The following LYPD5 variants were observed in gnomAD, a reference collection of about 807,000 sequenced individuals.
LYPD5 encodes the protein LY6/PLAUR domain containing 5.
A neutral mutation model predicts 19.1 loss-of-function variants in LYPD5; 21 were observed. That is an observed-to-expected ratio of 1.10 (90% CI 0.78 to 1.58). LYPD5 has a LOEUF of 1.58. Among genes scored for constraint, LYPD5 ranks in the 40% most tolerant of loss-of-function variants. LYPD5 has a pLI of 0.00. For missense variants in LYPD5, 287 were observed against 329.8 expected (o/e 0.87, Z 1.00); for synonymous variants, 128 against 142.7 (o/e 0.90, Z 0.74).
Position 43,797,361 on chromosome 19 carries a change from G to GGGCAC in LYPD5, c.*229_*230insGTGCC, listed in dbSNP as rs1970146396. ...GCTGTGATCAGAATTGCTCTTCATC[G>GGGCAC]GGGCACGACATGGCTGTTTTGCCCT... is the stretch of plus-strand genomic sequence containing the variant. On this transcript the variant is annotated 3_prime_UTR_variant, in exon 5 of 5. Coordinates refer to ENST00000377950, the MANE Select transcript of LYPD5 (RefSeq NM_001031749.3). 1 of 513,632 alleles carries GGGCAC rather than the reference G, an allele frequency of 1.9e-6. No individual in the cohort carries two copies. Among genetic ancestry groups the GGGCAC allele is most frequent in the African/African-American group, 1.9e-5 (1 of 52,108 alleles). 31.8% of individuals were successfully genotyped at this position (513,632 alleles called of 1,614,324 possible).
upstream of LYPD5, among the ~76,000 whole-genome samples, chr19:43,803,615 C>CTT (rs1970246484): frequency 6.6e-6 from 1 of 152,220 alleles, no homozygotes; most frequent in Non-Finnish European, 1.5e-5. Context: ...TTCTTCCTCT[C>CTT]GGCCCTGGAT....
intron 1 of LYPD5, among the ~76,000 whole-genome samples, chr19:43,808,930 G>A (rs1019199071): frequency 3.3e-5 from 5 of 152,112 alleles, no homozygotes; most frequent in Non-Finnish European, 7.4e-5. Context: ...GCAATAATAA[G>A]CAACTACTAT....
chr19:43,802,552 TCCTC>T, upstream of LYPD5: 5 of 436,176 alleles, frequency 1.1e-5, no homozygotes, highest in South Asian at 9.0e-5. Flanking sequence ...AACAGGGTGA[TCCTC>T]AGTTGCTGGA....
intron 1 of LYPD5, among the ~76,000 whole-genome samples, chr19:43,809,228 C>T (rs1970298039): frequency 6.6e-6 from 1 of 151,646 alleles, no homozygotes; most frequent in African/African-American, 2.4e-5. Flanking sequence ...TTAGTAGAGA[C>T]TTGGTTTCAC....
chr19:43,798,515 G>T lies in LYPD5; in HGVS notation c.457C>A (p.Arg153=), dbSNP rs758632707. The T allele has an allele frequency of 6.2e-7, 1 of 1,609,878 alleles. No individual in the cohort carries two copies. Residue 153 remains arginine (R), a synonymous_variant, in exon 4 of 5, where the codon CGA becomes AGA. Transcript: ENST00000377950. ...QDDCAIGRSR[R]VQCHQDQTAC... The stretch of plus-strand genomic sequence containing the variant: ...GTCTGGTCCTGGTGACACTGGACTC[G>T]TCGGGACCTGCCGATAGCGCAGTCA...
intron 4 of LYPD5, among the ~76,000 whole-genome samples, chr19:43,798,105 G>C (rs560149776): frequency 1.3e-5 from 2 of 148,472 alleles, no homozygotes; most frequent in East Asian, 3.9e-4. Flanking sequence ...CCTCAGACCA[G>C]GGCATGGCCT....
In LYPD5 at chr19:43,798,543, C is replaced by G; in HGVS notation, c.429G>C (p.Gln143His). ...AECYACIGVH[Q>H]DDCAIGRSRR... ...GGGACCTGCCGATAGCGCAGTCATC[C>G]TGGTGGACCCCGATACAGGCGTAGC... Residue 143 changes from glutamine to histidine, a missense_variant, in exon 4 of 5, where the codon CAG becomes CAC. By Grantham distance (24) the Gln-to-His change is conservative. Transcript: ENST00000377950. The G allele has an allele frequency of 6.2e-7, 1 of 1,611,958 alleles. No individual in the cohort carries two copies. The highest frequency in any genetic ancestry group is 8.5e-7 in the Non-Finnish European group (1 of 1,180,034).
chr19:43,815,084 A>G (rs1396003619), intron 1 of LYPD5, among the ~76,000 whole-genome samples: 1 of 152,206 alleles, frequency 6.6e-6, no homozygotes, highest in Non-Finnish European at 1.5e-5. Flanking sequence ...TAGAGGTGAC[A>G]CCATCAAAGT....
At chr19:43,801,258 C>T (rs2146496220) in intron 1 of LYPD5, among the ~76,000 whole-genome samples, 1 of 152,132 alleles carries the variant, frequency 6.6e-6, no homozygotes, top group Non-Finnish European at 1.5e-5. Flanking sequence ...AGGCCAGTCT[C>T]ATTGGCTGAT....
At chr19:43,806,656 G>A (rs563401989), upstream of LYPD5, among the ~76,000 whole-genome samples, 9 of 140,332 alleles carry the variant, frequency 6.4e-5, no homozygotes, top group East Asian at 1.6e-3. Flanking sequence ...GCAAGACACC[G>A]TCTCAACAAA....
At position 43,796,179 on chromosome 19, in the gene LYPD5, T is replaced by C. The variant is rs1346852909; in HGVS notation, c.*1412A>G. ...CCAAAGGCCCCACCTCCCAGTAATA[T>C]CACTTTGGTAATTAGGTTTCAAAAG... is the stretch of plus-strand genomic sequence containing the variant. On this transcript the variant is annotated 3_prime_UTR_variant, in exon 5 of 5. Transcript: ENST00000377950. The C allele has an allele frequency of 6.6e-6, 1 of 152,116 alleles. No homozygotes were observed. Among genetic ancestry groups the C allele is most frequent in the Non-Finnish European group, 1.5e-5 (1 of 68,034 alleles). 9.4% of individuals were successfully genotyped at this position (152,116 alleles called of 1,614,324 possible).
intron 1 of LYPD5, among the ~76,000 whole-genome samples, chr19:43,816,426 A>G (rs991925861): frequency 6.6e-6 from 1 of 152,228 alleles, no homozygotes; most frequent in African/African-American, 2.4e-5. Context: ...GTGGACTACA[A>G]TATGACGGAG....
At chr19:43,802,899 G>A (rs530451099), upstream of LYPD5, among the ~76,000 whole-genome samples, 3 of 152,266 alleles carry the variant, frequency 2.0e-5, no homozygotes, top group South Asian at 6.2e-4. Context: ...ACTAGGCTGG[G>A]CTAGCGTCTG....
chr19:43,808,081 T>G (rs990224483), intron 1 of LYPD5, among the ~76,000 whole-genome samples: 6 of 152,250 alleles, frequency 3.9e-5, no homozygotes, highest in African/African-American at 1.2e-4. Flanking sequence ...GTGAAACTAC[T>G]TTTCTGTCTA....
At chr19:43,799,044 C>T in intron 2 of LYPD5, 56 bp from the exon 3 acceptor site, 1 of 1,496,938 alleles carries the variant, frequency 6.7e-7, no homozygotes, top group Non-Finnish European at 8.9e-7. Flanking sequence ...TCCCTCCAGT[C>T]TCAGCGTTCT....
At chr19:43,801,972 A>G (rs1970227763) in intron 1 of LYPD5, among the ~76,000 whole-genome samples, 1 of 152,148 alleles carries the variant, frequency 6.6e-6, no homozygotes, top group South Asian at 2.1e-4. Context: ...ATACCTTTGA[A>G]TTGGGGGTTG....
intron 1 of LYPD5, among the ~76,000 whole-genome samples, chr19:43,817,724 T>TA (rs201449842): frequency 7.8e-4 from 118 of 150,848 alleles, no homozygotes; most frequent in Admixed American, 1.3e-3. Context: ...TTTATTTATT[T>TA]TTTTTTTTTT....
rs780872948 is a variant in LYPD5, at chr19:43,798,921, T to C, written c.261A>G (p.Gln87=). ...CTGGCGGCAGCGCGTCCGCGTTCGA[T>C]TGCGTCTGGCCCGCAGGAGGCCCGG... ...CWTGPPAGQT[Q]SNADALPPDY... Residue 87 remains glutamine (Q), a synonymous_variant, in exon 3 of 5, where the codon CAA becomes CAG. Transcript: ENST00000377950. 3.8e-6 allele frequency: 6 copies of C among 1,595,564 alleles called. No homozygotes were observed. The South Asian group carries it at 4.5e-5, about 12-fold the overall frequency.
Position 43,797,351 on chromosome 19 carries a change from G to T in LYPD5, c.*240C>A, listed in dbSNP as rs924443238. ...GTGAGTAACAGCTGTGATCAGAATT[G>T]CTCTTCATCGGGGCACGACATGGCT... is the stretch of plus-strand genomic sequence containing the variant. On this transcript the variant is annotated 3_prime_UTR_variant, in exon 5 of 5. Transcript: ENST00000377950. 1.9e-6 allele frequency: 1 copy of T among 513,008 alleles called. No homozygotes were observed. Among genetic ancestry groups the T allele is most frequent in the African/African-American group, 1.9e-5 (1 of 52,232 alleles). 31.8% of individuals were successfully genotyped at this position (513,008 alleles called of 1,614,324 possible). A position where few individuals can be genotyped will look rare whatever the true frequency, so the allele number is the denominator to read the frequency against.
Sources: gnomAD v4.1 joint callset for allele counts (sites outside exome capture counted in the v4.1 genomes callset) on GRCh38, gnomAD v4.1.1 for gene constraint, MANE v1.5 for transcripts, NCBI Gene and HGNC (gene_info 2026-07-23, HGNC 2026-07-21) for gene names.